Variants in HDAC8 observed in about 807,000 individuals in gnomAD.
HDAC8 encodes histone deacetylase 8.
In HDAC8, 1 loss-of-function variant was observed where a neutral mutation model predicts 32.2. The observed-to-expected ratio is 0.03, with a 90% confidence interval of 0.01 to 0.15. HDAC8 has a LOEUF of 0.15. HDAC8 is among the 10% of genes least tolerant of loss of function. The probability of loss-of-function intolerance (pLI) is 1.00; values close to 1 mark genes in which losing one functional copy is unlikely to be tolerated. For synonymous variants in HDAC8, 108 were observed against 113.9 expected, an observed-to-expected ratio of 0.95 and a Z score of 0.33; for missense variants, 117 against 300.0, an observed-to-expected ratio of 0.39 and a Z score of 4.51.
chrX:72,396,303 C>A (rs982253951), intron 9 of HDAC8, among the ~76,000 whole-genome samples: 3 of 112,002 alleles, frequency 2.7e-5, no homozygotes, highest in African/African-American at 9.7e-5. Context: ...TAAGAGAGGG[C>A]ATGCTTTTTC....
Position 72,456,340 on chromosome X carries a change from T to C in HDAC8, c.1005+5664A>G, listed in dbSNP as rs185614344. 1.1e-3 allele frequency among the ~76,000 whole-genome samples: 127 copies of C among 111,666 alleles called. No homozygotes were observed. The Middle Eastern group carries it at 0.014, about 12-fold the overall frequency. On this transcript the variant is annotated intron_variant, in intron 9 of 10. Coordinates refer to ENST00000373573, the MANE Select transcript of HDAC8 (RefSeq NM_018486.3). Reference sequence around the variant, plus strand: ...AAAAAAATTGTTCAAAGCAAAACAATAACAATGTATCAAGAGGTTTATAAC... The same window carrying C: ...AAAAAAATTGTTCAAAGCAAAACAACAACAATGTATCAAGAGGTTTATAAC...
intron 9 of HDAC8, among the ~76,000 whole-genome samples, chrX:72,376,071 C>T (rs1277341714): frequency 9.0e-6 from 1 of 110,776 alleles, no homozygotes; most frequent in Non-Finnish European, 1.9e-5. Flanking sequence ...TCATAGTATT[C>T]CTTTATGCTC....
At chrX:72,460,281 C>T (rs190100330) in intron 9 of HDAC8, among the ~76,000 whole-genome samples, 9 of 110,453 alleles carry the variant, frequency 8.1e-5, no homozygotes, top group South Asian at 3.9e-4. Flanking sequence ...GGATTACAGG[C>T]GTGCACCACC....
chrX:72,335,737 A>G (rs924845566), intron 10 of HDAC8, among the ~76,000 whole-genome samples: 1 of 109,909 alleles, frequency 9.1e-6, no homozygotes, highest in African/African-American at 3.3e-5. Flanking sequence ...ATAGTGAGAA[A>G]CTGTCTCTAC....
At chrX:72,522,896 T>C (rs1456056854) in intron 4 of HDAC8, among the ~76,000 whole-genome samples, 1 of 112,330 alleles carries the variant, frequency 8.9e-6, no homozygotes, top group Non-Finnish European at 1.9e-5. Context: ...TGCTGTTTTA[T>C]AACCTTTTTA....
At chrX:72,530,204 T>C (rs782425819) in intron 4 of HDAC8, among the ~76,000 whole-genome samples, 128 of 112,027 alleles carry the variant, frequency 1.1e-3, no homozygotes, top group Middle Eastern at 4.6e-3. Flanking sequence ...TAGGTCACCT[T>C]GGAAATCAAT....
intron 4 of HDAC8, among the ~76,000 whole-genome samples, chrX:72,565,316 T>C (rs782222498): frequency 2.7e-5 from 3 of 112,379 alleles, no homozygotes; most frequent in East Asian, 5.6e-4. Context: ...TGGCTAGATG[T>C]AAGTTTGTGG....
intron 9 of HDAC8, among the ~76,000 whole-genome samples, chrX:72,449,832 C>T (rs2047526141): frequency 9.0e-6 from 1 of 111,616 alleles, no homozygotes; most frequent in African/African-American, 3.3e-5. Context: ...TAAAAGAAAG[C>T]ACTTCTTTTC....
chrX:72,553,040 C>CTATT (rs782764036), intron 4 of HDAC8, among the ~76,000 whole-genome samples: 226 of 110,033 alleles, frequency 2.1e-3, no homozygotes, highest in African/African-American at 5.8e-3. Flanking sequence ...ACTAGCCACC[C>CTATT]TATTTATTTA....
chrX:72,533,808 C>T (rs782111535), intron 4 of HDAC8, among the ~76,000 whole-genome samples: 10 of 111,354 alleles, frequency 9.0e-5, no homozygotes, highest in African/African-American at 2.6e-4. Context: ...TGACAAGATC[C>T]AACACCTTTT....
intron 9 of HDAC8, among the ~76,000 whole-genome samples, chrX:72,423,133 T>C (rs2046540700): frequency 8.9e-6 from 1 of 111,851 alleles, no homozygotes; most frequent in South Asian, 3.8e-4. Context: ...CCTGAGATGC[T>C]TTTTCCTTTA....
At chrX:72,403,423 C>A (rs1052352708) in intron 9 of HDAC8, among the ~76,000 whole-genome samples, 5 of 112,096 alleles carry the variant, frequency 4.5e-5, no homozygotes, top group Admixed American at 9.5e-5. Context: ...GCTTCACTGC[C>A]TCCCTCTCTT....
At chrX:72,555,646 G>T (rs1396509029) in intron 4 of HDAC8, among the ~76,000 whole-genome samples, 2 of 112,304 alleles carry the variant, frequency 1.8e-5, no homozygotes, top group Non-Finnish European at 3.8e-5. Flanking sequence ...ACAAACAGAA[G>T]AAAGAACTTC....
chrX:72,524,242 A>G (rs990778304), intron 4 of HDAC8, among the ~76,000 whole-genome samples: 3 of 111,738 alleles, frequency 2.7e-5, no homozygotes, highest in Non-Finnish European at 5.6e-5. Context: ...TGAGCTCTTT[A>G]TTTACTTATC....
chrX:72,365,610 G>A (rs1170688649), intron 9 of HDAC8, among the ~76,000 whole-genome samples: 10 of 111,409 alleles, frequency 9.0e-5, no homozygotes, highest in Admixed American at 8.6e-4. Context: ...CACAAGAAGT[G>A]GAATAAGGAC....
chrX:72,377,181 T>C (rs1233772365), intron 9 of HDAC8: 1 of 112,318 alleles, frequency 8.9e-6, no homozygotes, highest in African/African-American at 3.2e-5. Context: ...TGATTTCTTC[T>C]TCAACCTATT....
intron 4 of HDAC8, among the ~76,000 whole-genome samples, chrX:72,529,656 A>G (rs187483296): frequency 7.1e-4 from 80 of 112,548 alleles, no homozygotes; most frequent in Non-Finnish European, 1.3e-3. Flanking sequence ...TACAGCAGCA[A>G]TAAGAAACTA....
chrX:72,355,264 G>A (rs887601715), intron 9 of HDAC8, among the ~76,000 whole-genome samples: 1 of 112,025 alleles, frequency 8.9e-6, no homozygotes, highest in Non-Finnish European at 1.9e-5. Flanking sequence ...ATAGCTTGAG[G>A]CCCCTCCAGC....
intron 7 of HDAC8, among the ~76,000 whole-genome samples, chrX:72,472,986 A>G (rs1555998548): frequency 1.8e-5 from 2 of 111,443 alleles, no homozygotes; most frequent in Admixed American, 1.9e-4. Flanking sequence ...CTTCCTAATC[A>G]GTTTCCCTGC....
Sources: allele counts gnomAD v4.1 joint callset (sites outside exome capture counted in the v4.1 genomes callset), GRCh38; gene constraint gnomAD v4.1.1; transcripts MANE v1.5; gene names NCBI Gene and HGNC (gene_info 2026-07-23, HGNC 2026-07-21).